Variants in PRDM16 observed in about 807,000 individuals in gnomAD.
The protein encoded by PRDM16 is histone-lysine N-methyltransferase PRDM16.
PRDM16 carries 23 observed loss-of-function variants against 110.6 expected under a neutral mutation model. The ratio of observed to expected loss-of-function variants is 0.21; its 90% confidence interval spans 0.15 to 0.29. The LOEUF (loss-of-function observed/expected upper bound fraction) is 0.29. Ranked by LOEUF, PRDM16 falls within the 10% of genes least tolerant of loss-of-function variation. The pLI is 1.00. For synonymous variants in PRDM16, 799 were observed against 781.8 expected, an observed-to-expected ratio of 1.02 and a Z score of -0.37; for missense variants, 1,615 against 1,794.3, an observed-to-expected ratio of 0.90 and a Z score of 1.81.
chr1:3,427,907 G>T (rs1557671218), intron 14 of PRDM16, among the ~76,000 whole-genome samples: 2 of 152,186 alleles, frequency 1.3e-5, no homozygotes, highest in Admixed American at 1.3e-4. Context: ...CGCTGAGACA[G>T]CCGCATGGGA....
At chr1:3,240,318 T>G (rs1445718624) in intron 2 of PRDM16, among the ~76,000 whole-genome samples, 1 of 148,782 alleles carries the variant, frequency 6.7e-6, no homozygotes, top group Non-Finnish European at 1.5e-5. Flanking sequence ...GGAGGCTGAG[T>G]TGAGAGGATC....
At chr1:3,287,563 C>T (rs1230568136) in intron 3 of PRDM16, among the ~76,000 whole-genome samples, 7 of 43,706 alleles carry the variant, frequency 1.6e-4, no homozygotes, top group African/African-American at 1.0e-3. Context: ...CCCCCTGCCA[C>T]GCGGGCATCC....
intron 3 of PRDM16, among the ~76,000 whole-genome samples, chr1:3,248,637 GC>G (rs1025859612): frequency 5.4e-4 from 83 of 152,358 alleles, no homozygotes; most frequent in Middle Eastern, 3.4e-3. Context: ...CGGAAGAGGG[GC>G]CGGTGATGGG....
chr1:3,368,190 C>T (rs1642848797), intron 3 of PRDM16, among the ~76,000 whole-genome samples: 2 of 152,204 alleles, frequency 1.3e-5, no homozygotes, highest in Non-Finnish European at 1.5e-5. Context: ...GCCACCCGCC[C>T]GTGGCTGACG....
intron 3 of PRDM16, among the ~76,000 whole-genome samples, chr1:3,316,236 C>T (rs1641597576): frequency 2.1e-5 from 3 of 141,362 alleles, no homozygotes; most frequent in African/African-American, 8.1e-5. Context: ...ATCCTTCTCT[C>T]CCGAGTCACT....
chr1:3,388,628 G>A (rs1445170179), intron 4 of PRDM16, among the ~76,000 whole-genome samples: 1 of 152,312 alleles, frequency 6.6e-6, no homozygotes, highest in Non-Finnish European at 1.5e-5. Flanking sequence ...GAGAGAGGCC[G>A]CTCTGAACTG....
intron 1 of PRDM16, chr1:3,133,369 T>TG (rs1341688566): frequency 6.6e-6 from 1 of 152,246 alleles, no homozygotes; most frequent in Non-Finnish European, 1.5e-5. Context: ...TGTAAGACTG[T>TG]GTTCAGAGGG....
intron 12 of PRDM16, among the ~76,000 whole-genome samples, chr1:3,421,706 T>G (rs1638434588): frequency 6.6e-6 from 1 of 152,270 alleles, no homozygotes; most frequent in South Asian, 2.1e-4. Flanking sequence ...TCCAGTTTTA[T>G]GAACAAGCTT....
intron 2 of PRDM16, among the ~76,000 whole-genome samples, chr1:3,200,211 G>A (rs895085412): frequency 7.1e-6 from 1 of 141,100 alleles, no homozygotes; most frequent in African/African-American, 2.7e-5. Context: ...CCTGGGGAGA[G>A]GGGCCTGGGG....
chr1:3,378,483 G>A lies in PRDM16; in HGVS notation c.439-6669G>A, dbSNP rs564918109. Among the ~76,000 whole-genome samples the A allele has an allele frequency of 5.0e-4, 76 of 152,266 alleles. No homozygotes were observed. In the East Asian group the frequency reaches 5.6e-3, roughly 11 times the overall value. On this transcript the variant is annotated intron_variant, in intron 3 of 16. Coordinates refer to ENST00000270722, the MANE Select transcript of PRDM16 (RefSeq NM_022114.4). ...CTTGAGTCGGCCCTGGAGAGCACAC[G>A]GGGCAGCCATGGCACAGCTCTGGAG...
chr1:3,339,217 G>C lies in PRDM16; in HGVS notation c.439-45935G>C, dbSNP rs577065054. ...CTCCAGCTGCTGAAAGCCGAACCACGTTTTGTGGGATACTGCCCCCGAGGG... is the reference window on the plus strand; with the variant it reads ...CTCCAGCTGCTGAAAGCCGAACCACCTTTTGTGGGATACTGCCCCCGAGGG... On this transcript the variant is annotated intron_variant, in intron 3 of 16. Transcript: ENST00000270722. This position sits in a 1 kb window ranked among gnomAD's most constrained non-coding sequence, Gnocchi z 5.0. 4.7e-4 allele frequency among the ~76,000 whole-genome samples: 72 copies of C among 152,200 alleles called. 1 individual carries two copies. Among genetic ancestry groups the C allele is most frequent in the African/African-American group, 1.7e-3 (71 of 41,544 alleles).
Position 3,381,679 on chromosome 1 carries a change from G to A in PRDM16, c.439-3473G>A, listed in dbSNP as rs191302947. On this transcript the variant is annotated intron_variant, in intron 3 of 16. Transcript: ENST00000270722. ...GCTGGGATTATAGGCATGAGCCACC[G>A]TGCCCGACAGAGGCCAACACTCTTG... is the stretch of plus-strand genomic sequence containing the variant. Among the ~76,000 whole-genome samples, 560 of 152,250 alleles carry A rather than the reference G, an allele frequency of 3.7e-3. 4 individuals are homozygous for A. Among genetic ancestry groups the A allele is most frequent in the African/African-American group, 0.012 (517 of 41,530 alleles).
chr1:3,178,913 A>G (rs911131782), intron 1 of PRDM16, among the ~76,000 whole-genome samples: 16 of 152,190 alleles, frequency 1.1e-4, no homozygotes, highest in African/African-American at 3.9e-4. Flanking sequence ...TGAAACCCAC[A>G]GCCGGGTCCA....
Position 3,175,156 on chromosome 1 carries a change from C to T in PRDM16, c.38-10969C>T, listed in dbSNP as rs771293555. 1.3e-5 allele frequency among the ~76,000 whole-genome samples: 2 copies of T among 152,152 alleles called. No individual in the cohort carries two copies. The highest frequency in any genetic ancestry group is 2.9e-5 in the Non-Finnish European group (2 of 68,024). On this transcript the variant is annotated intron_variant, in intron 1 of 16. Transcript: ENST00000270722. This position sits in a 1 kb window ranked among gnomAD's most constrained non-coding sequence, Gnocchi z 4.8. ...AGGGGAGAAGCTATTGCCTTTACCGCACAGTTTTAAAGACAGAAGAACAAG... is the reference window on the plus strand; with the variant it reads ...AGGGGAGAAGCTATTGCCTTTACCGTACAGTTTTAAAGACAGAAGAACAAG...
intron 1 of PRDM16, among the ~76,000 whole-genome samples, chr1:3,182,171 G>C (rs1644218310): frequency 2.0e-5 from 3 of 152,214 alleles, no homozygotes; most frequent in African/African-American, 7.2e-5. Flanking sequence ...CATGATGAAG[G>C]AGGAAGCACA....
intron 2 of PRDM16, among the ~76,000 whole-genome samples, chr1:3,228,573 G>A (rs1639342323): frequency 1.3e-5 from 2 of 152,290 alleles, no homozygotes; most frequent in African/African-American, 4.8e-5. Context: ...GTTGAATGAG[G>A]GCTGTATAGT....
intron 3 of PRDM16, among the ~76,000 whole-genome samples, chr1:3,324,132 G>T (rs969211665): frequency 3.9e-5 from 6 of 151,942 alleles, no homozygotes; most frequent in Non-Finnish European, 8.8e-5. Context: ...CCTTGATGCC[G>T]CCAAGAGGGA....
At chr1:3,257,607 C>T (rs1223200961) in intron 3 of PRDM16, among the ~76,000 whole-genome samples, 1 of 152,246 alleles carries the variant, frequency 6.6e-6, no homozygotes, top group Non-Finnish European at 1.5e-5. Flanking sequence ...ACCTTGCTCA[C>T]CCTGACTGAT....
At chr1:3,129,388 C>CGT (rs764877018) in intron 1 of PRDM16, among the ~76,000 whole-genome samples, 3,236 of 141,258 alleles carry the variant, frequency 0.023, 45 homozygotes, top group South Asian at 0.047. Flanking sequence ...TGCGTGTGCA[C>CGT]GTGTGTGTGT....
Sources: allele counts gnomAD v4.1 joint callset (sites outside exome capture counted in the v4.1 genomes callset), GRCh38; gene constraint gnomAD v4.1.1; non-coding constraint Gnocchi (gnomAD v3.1); transcripts MANE v1.5; gene names NCBI Gene and HGNC (gene_info 2026-07-23, HGNC 2026-07-21).